TNS3: variants seen among roughly 807,000 people sequenced by gnomAD.
TNS3 encodes tensin 3.
TNS3 carries 45 observed loss-of-function variants against 140.9 expected under a neutral mutation model. The ratio of observed to expected loss-of-function variants is 0.32; its 90% CI spans 0.25 to 0.41. The LOEUF is 0.41. Ranked by LOEUF, TNS3 falls within the 10% of genes least tolerant of loss-of-function variation. The pLI is 1.00. For missense variants in TNS3, 1,716 were observed against 1,906.7 expected (o/e 0.90, Z 1.86); for synonymous variants, 815 against 788.4 (o/e 1.03, Z -0.56).
intron 8 of TNS3, among the ~76,000 whole-genome samples, chr7:47,431,423 T>C (rs1584643595): frequency 6.6e-6 from 1 of 152,144 alleles, no homozygotes; most frequent in East Asian, 1.9e-4. Context: ...TGAAACCCCA[T>C]CTCTATTAAA....
intron 20 of TNS3, among the ~76,000 whole-genome samples, chr7:47,314,523 G>A (rs1048624270): frequency 6.6e-6 from 1 of 152,220 alleles, no homozygotes; most frequent in Non-Finnish European, 1.5e-5. Flanking sequence ...TCTACCTACT[G>A]CAAACCCTTT....
At chr7:47,465,347 G>C (rs899548360) in intron 4 of TNS3, among the ~76,000 whole-genome samples, 2 of 152,172 alleles carry the variant, frequency 1.3e-5, no homozygotes, top group African/African-American at 4.8e-5. Flanking sequence ...ACTGCAAGAG[G>C]GGGAAAGGAC....
intron 3 of TNS3, among the ~76,000 whole-genome samples, chr7:47,497,298 C>T (rs1798048437): frequency 6.6e-6 from 1 of 152,152 alleles, no homozygotes; most frequent in South Asian, 2.1e-4. Context: ...TAGACATCTA[C>T]AGTGATTCCT....
intron 17 of TNS3, among the ~76,000 whole-genome samples, chr7:47,349,447 A>C (rs1789536766): frequency 6.6e-6 from 1 of 152,224 alleles, no homozygotes; most frequent in African/African-American, 2.4e-5. Flanking sequence ...GAGGGAACTC[A>C]GCGACGGAGA....
intron 27 of TNS3, among the ~76,000 whole-genome samples, chr7:47,286,055 C>T (rs1002044037): frequency 4.6e-5 from 7 of 152,144 alleles, no homozygotes; most frequent in East Asian, 1.9e-4. Context: ...AGGGACAGTC[C>T]GCCTTTGATT....
intron 2 of TNS3, among the ~76,000 whole-genome samples, chr7:47,525,233 G>C (rs1239850715): frequency 6.6e-6 from 1 of 152,160 alleles, no homozygotes; most frequent in East Asian, 1.9e-4. Flanking sequence ...GTGTCTCGCT[G>C]CCTCCCACCG....
rs1318377985 is a variant in TNS3, at chr7:47,297,137, G to A, written c.3621C>T (p.Gly1207=). Residue 1207 remains glycine (G), a synonymous_variant, in exon 24 of 31, where the codon GGC becomes GGT. Coordinates refer to ENST00000311160, the MANE Select transcript of TNS3 (RefSeq NM_022748.12). ...GGGGCGTGGCCACCTTCATGGCCAG[G>A]CCATAGGCCCCTCGGAAGGAATGGC... is the stretch of plus-strand genomic sequence containing the variant. The part of the protein sequence containing the change: ...RDSHSFRGAY[G]LAMKVATPPP... 1 of 1,614,082 alleles carries A rather than the reference G, an allele frequency of 6.2e-7. No homozygotes were observed. The highest frequency in any genetic ancestry group is 1.7e-5 in the Admixed American group (1 of 59,996).
chr7:47,471,257 C>A (rs1473256907), intron 4 of TNS3, among the ~76,000 whole-genome samples: 2 of 152,198 alleles, frequency 1.3e-5, no homozygotes, highest in African/African-American at 4.8e-5. Context: ...ACTGTGCCCA[C>A]AGGGTCATGA....
chr7:47,385,588 A>G (rs1195258223), intron 16 of TNS3, among the ~76,000 whole-genome samples: 1 of 152,170 alleles, frequency 6.6e-6, no homozygotes, highest in Non-Finnish European at 1.5e-5. Context: ...AGCTTCCCAG[A>G]AGGTGACACT....
chr7:47,314,984 C>T (rs1041422206), intron 20 of TNS3, among the ~76,000 whole-genome samples: 2 of 152,218 alleles, frequency 1.3e-5, no homozygotes, highest in African/African-American at 2.4e-5. Context: ...AGGCAAAAGC[C>T]GTCTTCCTGA....
In TNS3 at chr7:47,280,368, G is replaced by A. The variant is rs750051288; in HGVS notation, c.4098-14C>T. 17 of 1,613,722 alleles carry A rather than the reference G, an allele frequency of 1.1e-5. No homozygotes were observed. Among genetic ancestry groups the A allele is most frequent in the East Asian group, 2.2e-5 (1 of 44,886 alleles). On this transcript the variant is annotated splice_polypyrimidine_tract_variant and intron_variant, in intron 28 of 30. Transcript: ENST00000311160. ...CGGAAGAAGAGCCTGTTGGGACATG[G>A]GGGAGAGAGGATGGCTCCTGTTACT...
chr7:47,492,838 A>G (rs1797862977), intron 3 of TNS3, among the ~76,000 whole-genome samples: 1 of 152,230 alleles, frequency 6.6e-6, no homozygotes, highest in Non-Finnish European at 1.5e-5. Context: ...ATGCTGAGAA[A>G]GGCGGGGTTC....
chr7:47,375,073 T>C (rs1181115108), intron 16 of TNS3, among the ~76,000 whole-genome samples: 2 of 152,202 alleles, frequency 1.3e-5, no homozygotes, highest in African/African-American at 4.8e-5. Flanking sequence ...AATAACATAT[T>C]TTAACATTTT....
At chr7:47,497,627 A>G (rs886581434) in intron 3 of TNS3, among the ~76,000 whole-genome samples, 1 of 151,312 alleles carries the variant, frequency 6.6e-6, no homozygotes, top group South Asian at 2.1e-4. Flanking sequence ...GCAAGAGAAA[A>G]TAAGTATTCG....
chr7:47,386,201 G>A (rs1187474896), intron 16 of TNS3, among the ~76,000 whole-genome samples: 1 of 152,210 alleles, frequency 6.6e-6, no homozygotes, highest in African/African-American at 2.4e-5. Flanking sequence ...CTCTTGCTAT[G>A]TGGAAGAAAA....
chr7:47,414,179 G>A (rs115837433), intron 11 of TNS3, among the ~76,000 whole-genome samples, 182 bp from the exon 12 acceptor site: 2,177 of 152,242 alleles, frequency 0.014, 53 homozygotes, highest in African/African-American at 0.05. Context: ...CCCGGTCCTA[G>A]AAGCCTGCAG....
chr7:47,544,800 GCCC>G (rs1413856724), intron 1 of TNS3, among the ~76,000 whole-genome samples: 1 of 151,996 alleles, frequency 6.6e-6, no homozygotes, highest in East Asian at 1.9e-4. Context: ...CAAATGAGCT[GCCC>G]CACCTATTCT....
At chr7:47,508,558 A>G (rs925713746) in intron 2 of TNS3, among the ~76,000 whole-genome samples, 1 of 152,172 alleles carries the variant, frequency 6.6e-6, no homozygotes, top group African/African-American at 2.4e-5. Flanking sequence ...GAGTCAGGCA[A>G]AGAATTCTGC....
intron 3 of TNS3, among the ~76,000 whole-genome samples, chr7:47,483,193 G>A (rs1342014567): frequency 6.7e-6 from 1 of 149,308 alleles, no homozygotes; most frequent in African/African-American, 2.5e-5. Context: ...TTTTTGAGAC[G>A]GAGTCTCACT....
Sources: gnomAD v4.1 joint callset for allele counts (sites outside exome capture counted in the v4.1 genomes callset) on GRCh38, gnomAD v4.1.1 for gene constraint, MANE v1.5 for transcripts, NCBI Gene and HGNC (gene_info 2026-07-23, HGNC 2026-07-21) for gene names.